Variants in DYNC2I1 observed in about 807,000 individuals in gnomAD.
DYNC2I1 encodes dynein 2 intermediate chain 1, also known as cytoplasmic dynein 2 intermediate chain 1.
Under a neutral mutation model 133.4 loss-of-function variants are expected in DYNC2I1, and 89 were observed. That is an observed-to-expected ratio of 0.67 (90% CI 0.56 to 0.80). The LOEUF (loss-of-function observed/expected upper bound fraction) is 0.80. Ranked by LOEUF, DYNC2I1 falls within the 30% of genes least tolerant of loss-of-function variation. The probability of loss-of-function intolerance (pLI) is 0.00; values close to 1 mark genes in which losing one functional copy is unlikely to be tolerated. For synonymous variants in DYNC2I1, 504 were observed against 484.3 expected (o/e 1.04, Z -0.54); for missense variants, 1,291 against 1,314.5 (o/e 0.98, Z 0.28).
intron 8 of DYNC2I1, among the ~76,000 whole-genome samples, chr7:158,898,106 T>A (rs1018502039): frequency 6.6e-6 from 1 of 152,252 alleles, no homozygotes; most frequent in Non-Finnish European, 1.5e-5. Flanking sequence ...TGAGAGCAGA[T>A]GTATAATTTC....
In DYNC2I1 at chr7:158,922,465, C is replaced by G; in HGVS notation, c.2010C>G (p.Pro670=). ...VHDLPEKSFV[P]LLDSKYVLCV... ...ACTTACCCGAGAAGAGCTTTGTGCC[C>G]CTGCTGGACAGCAAATACGTCCTCT... Residue 670 remains proline, a synonymous_variant, in exon 16 of 25, where the codon CCC becomes CCG. Transcript: ENST00000407559. 1 of 1,613,956 alleles carries G rather than the reference C, an allele frequency of 6.2e-7. No individual in the cohort carries two copies. Among genetic ancestry groups the G allele is most frequent in the Non-Finnish European group, 8.5e-7 (1 of 1,179,900 alleles).
In DYNC2I1 at chr7:158,918,827, GAC is replaced by G; in HGVS notation, c.1881_1882del (p.Asp627GlufsTer69). 2 of 1,613,854 alleles carry G rather than the reference GAC, an allele frequency of 1.2e-6. No individual in the cohort carries two copies. Among genetic ancestry groups the G allele is most frequent in the Non-Finnish European group, 1.7e-6 (2 of 1,179,828 alleles). The stretch of plus-strand genomic sequence containing the variant: ...TCAAGACAGGGCCCTGTATTTTAGT[GAC>G]AGCTCATCTCAGCTGAACACCAGTC... ...RAQDRALYFS[D>X]SSSQLNTSLP... On this transcript the variant is annotated frameshift_variant, in exon 15 of 25. Transcript: ENST00000407559. LOFTEE classifies it high-confidence loss of function.
intron 1 of DYNC2I1, among the ~76,000 whole-genome samples, chr7:158,865,381 A>G (rs1842316778): frequency 6.6e-6 from 1 of 152,228 alleles, no homozygotes; most frequent in African/African-American, 2.4e-5. Flanking sequence ...TTCTTACTGT[A>G]CAGTTCTCAA....
At chr7:158,859,513 T>TC (rs1841681526) in intron 1 of DYNC2I1, among the ~76,000 whole-genome samples, 1 of 150,956 alleles carries the variant, frequency 6.6e-6, no homozygotes, top group Non-Finnish European at 1.5e-5. Context: ...ATAAAATTCA[T>TC]TTTTTTTGAG....
intron 21 of DYNC2I1, among the ~76,000 whole-genome samples, chr7:158,932,887 C>T (rs1850366579): frequency 1.3e-5 from 2 of 152,200 alleles, no homozygotes; most frequent in African/African-American, 4.8e-5. Context: ...TGGCCTCTGC[C>T]TCCACCAGCA....
chr7:158,880,696 C>CA (rs1843912079), intron 5 of DYNC2I1, among the ~76,000 whole-genome samples: 1 of 152,150 alleles, frequency 6.6e-6, no homozygotes, highest in African/African-American at 2.4e-5. Context: ...CAAGACAGAA[C>CA]AAAAATGTAA....
At chr7:158,871,077 G>A in intron 2 of DYNC2I1, 65 bp from the exon 3 acceptor site, 1 of 1,517,408 alleles carries the variant, frequency 6.6e-7, no homozygotes, top group South Asian at 1.3e-5. Flanking sequence ...TCACATTCAG[G>A]TATTAAAAGT....
chr7:158,943,881 T>G (rs537280675), intron 24 of DYNC2I1, among the ~76,000 whole-genome samples: 1 of 152,256 alleles, frequency 6.6e-6, no homozygotes, highest in African/African-American at 2.4e-5. Context: ...GGGTCAACCC[T>G]GTCCATCTGT....
chr7:158,908,640 CAG>C (rs1847077788), intron 11 of DYNC2I1, among the ~76,000 whole-genome samples: 1 of 152,172 alleles, frequency 6.6e-6, no homozygotes, highest in African/African-American at 2.4e-5. Context: ...GGATGTGACA[CAG>C]GGAGTGAATT....
chr7:158,949,079 G>A (rs1214727417), downstream of DYNC2I1, among the ~76,000 whole-genome samples: 1 of 152,130 alleles, frequency 6.6e-6, no homozygotes, highest in Non-Finnish European at 1.5e-5. Context: ...GCCCCCGAGA[G>A]AGCAGTTCCT....
rs1440858011 is a variant in DYNC2I1 at position 158,856,677 on chromosome 7, G to T, written c.-59G>T. 1.6e-6 allele frequency: 2 copies of T among 1,231,570 alleles called. No homozygotes were observed. Among genetic ancestry groups the T allele is most frequent in the Non-Finnish European group, 2.0e-6 (2 of 986,678 alleles). 76.3% of individuals were successfully genotyped at this position (1,231,570 alleles called of 1,614,324 possible). ...TGCGGGGCACAGGTGGCCTCTTCGG[G>T]GTGGACCGCGCCTGGCCGGGGCCGA... is the stretch of plus-strand genomic sequence containing the variant. On this transcript the variant is annotated 5_prime_UTR_variant, in exon 1 of 25. Transcript: ENST00000407559.
chr7:158,848,973 C>A, the DYNC2I1 span, among the ~76,000 whole-genome samples: 1 of 151,646 alleles, frequency 6.6e-6, no homozygotes, highest in South Asian at 2.1e-4. Flanking sequence ...GTTCCCCCAG[C>A]ATTAAAGGGG....
At chr7:158,934,104 T>C in intron 21 of DYNC2I1, 25 bp from the exon 22 acceptor site, 1 of 1,397,164 alleles carries the variant, frequency 7.2e-7, no homozygotes, top group Non-Finnish European at 9.6e-7. Flanking sequence ...GTCCATCTGT[T>C]CATTTTGTTA....
chr7:158,851,261 AGT>A, the DYNC2I1 span, among the ~76,000 whole-genome samples: 1 of 152,146 alleles, frequency 6.6e-6, no homozygotes, highest in East Asian at 1.9e-4. Context: ...GGCTGGGCGC[AGT>A]GGTTCATGCC....
chr7:158,917,731 C>T (rs116339161), intron 14 of DYNC2I1, among the ~76,000 whole-genome samples: 15 of 150,318 alleles, frequency 1.0e-4, no homozygotes, highest in East Asian at 3.9e-4. Context: ...CACCCTCTGC[C>T]TCTCACTAAA....
At chr7:158,913,854 G>T (rs1322865857) in intron 13 of DYNC2I1, among the ~76,000 whole-genome samples, 1 of 152,108 alleles carries the variant, frequency 6.6e-6, no homozygotes, top group Non-Finnish European at 1.5e-5. Flanking sequence ...GACTACAAGC[G>T]CCTGCTATCA....
downstream of DYNC2I1, among the ~76,000 whole-genome samples, chr7:158,946,963 C>T (rs1330668439): frequency 3.9e-5 from 6 of 152,256 alleles, no homozygotes; most frequent in African/African-American, 1.2e-4. Context: ...CCCTCCCCAA[C>T]GGCAGGGCTG....
At position 158,944,123 on chromosome 7, in the gene DYNC2I1, G is replaced by A. The variant is rs375156683; in HGVS notation, c.3003-1458G>A. ...AAGGATTTAACACTTTTAGAGTTAC[G>A]TTACAATCTCTGACAATGACTTACC... On this transcript the variant is annotated intron_variant, in intron 24 of 24. Transcript: ENST00000407559. 1.4e-3 allele frequency among the ~76,000 whole-genome samples: 219 copies of A among 152,302 alleles called. 7 individuals carry two copies. The South Asian group carries it at 0.041, about 28-fold the overall frequency.
At chr7:158,889,938 G>T (rs374854431) in intron 7 of DYNC2I1, among the ~76,000 whole-genome samples, 3 of 150,820 alleles carry the variant, frequency 2.0e-5, no homozygotes, top group African/African-American at 7.3e-5. Context: ...CCCGGGAGGT[G>T]GAGGTTGCAG....
Sources: allele counts gnomAD v4.1 joint callset (sites outside exome capture counted in the v4.1 genomes callset), GRCh38; gene constraint gnomAD v4.1.1; transcripts MANE v1.5; gene names NCBI Gene and HGNC (gene_info 2026-07-23, HGNC 2026-07-21).